Variants in BSPRY observed in about 807,000 individuals in gnomAD.
BSPRY encodes the protein B box and SPRY domain-containing protein.
A neutral mutation model predicts 38.0 loss-of-function variants in BSPRY; 33 were observed. The observed-to-expected ratio is 0.87, with a 90% CI of 0.66 to 1.16. The LOEUF (loss-of-function observed/expected upper bound fraction) is 1.16. Ranked by LOEUF, BSPRY falls within the 50% of genes most tolerant of loss-of-function variation. The pLI, the probability that BSPRY is intolerant of heterozygous loss-of-function variation, is 0.00. For missense variants in BSPRY, 523 were observed against 533.2 expected, an observed-to-expected ratio of 0.98 and a Z score of 0.19; for synonymous variants, 224 against 228.5, an observed-to-expected ratio of 0.98 and a Z score of 0.18.
At chr9:113,368,988 A>ATTTT (rs35471203) in intron 5 of BSPRY, among the ~76,000 whole-genome samples, 1 of 145,874 alleles carries the variant, frequency 6.9e-6, no homozygotes, top group African/African-American at 2.5e-5. Context: ...TAATAGACTG[A>ATTTT]TTTTTTTTTT....
intron 4 of BSPRY, among the ~76,000 whole-genome samples, chr9:113,365,680 C>G (rs1358578976): frequency 6.6e-6 from 1 of 151,828 alleles, no homozygotes; most frequent in African/African-American, 2.4e-5. Flanking sequence ...GCTTCTAGGC[C>G]TCACTCAGCT....
rs375174917 is a variant in BSPRY at position 113,363,672 on chromosome 9, G to A, written c.557+1278G>A. ...GAGGAAGGTGGATCACTTGAGGTCA[G>A]GAGTTCAAAACCAGCCTGGGCCAAG... On this transcript the variant is annotated intron_variant, in intron 4 of 5. Transcript: ENST00000374183. Among the ~76,000 whole-genome samples the A allele has an allele frequency of 4.0e-5, 6 of 151,832 alleles. No individual in the cohort carries two copies. In the South Asian group the frequency reaches 8.3e-4, roughly 21 times the overall value.
At chr9:113,366,878 C>A (rs369871679) in intron 4 of BSPRY, among the ~76,000 whole-genome samples, 2 of 152,230 alleles carry the variant, frequency 1.3e-5, no homozygotes, top group African/African-American at 4.8e-5. Context: ...ATGCCCCACC[C>A]CTGTGCCCAC....
chr9:113,365,446 G>A (rs1165897500), intron 4 of BSPRY, among the ~76,000 whole-genome samples: 6 of 152,136 alleles, frequency 3.9e-5, no homozygotes, highest in Admixed American at 1.3e-4. Flanking sequence ...GATTTGGCCT[G>A]TAGAAGCCCT....
intron 2 of BSPRY, among the ~76,000 whole-genome samples, chr9:113,359,971 A>C (rs893521686): frequency 2.0e-5 from 3 of 152,168 alleles, no homozygotes; most frequent in Non-Finnish European, 4.4e-5. Flanking sequence ...ACACCTGTTA[A>C]TTGTCTGAGA....
chr9:113,366,604 G>T (rs4979243), intron 4 of BSPRY, among the ~76,000 whole-genome samples: 13,370 of 152,252 alleles, frequency 0.088, 896 homozygotes, highest in East Asian at 0.31. Flanking sequence ...CAGCTAGCCC[G>T]GGTGGTTCGC....
rs554574076 is a variant in BSPRY at position 113,364,054 on chromosome 9, C to T, written c.557+1660C>T. Among the ~76,000 whole-genome samples the T allele has an allele frequency of 4.6e-5, 7 of 151,414 alleles. No homozygotes were observed. The East Asian group carries it at 5.8e-4, about 13-fold the overall frequency. ...TACAAAAATTAGCTAGGTGCGGTAG[C>T]GTACCCCTGTAATCTCAGTTACTGG... On this transcript the variant is annotated intron_variant, in intron 4 of 5. Transcript: ENST00000374183.
chr9:113,351,737 A>T (rs1294918717), intron 1 of BSPRY, among the ~76,000 whole-genome samples: 1 of 152,022 alleles, frequency 6.6e-6, no homozygotes, highest in Non-Finnish European at 1.5e-5. Context: ...TTCTTGGGGA[A>T]GTCACTTCTC....
intron 2 of BSPRY, among the ~76,000 whole-genome samples, chr9:113,358,211 G>GCATTCTA (rs1223193619): frequency 6.6e-6 from 1 of 151,080 alleles, no homozygotes; most frequent in Non-Finnish European, 1.5e-5. Context: ...TTGCATCACT[G>GCATTCTA]CATTCTAGCC....
intron 4 of BSPRY, among the ~76,000 whole-genome samples, chr9:113,362,693 G>A (rs1329568226): frequency 6.6e-6 from 1 of 152,238 alleles, no homozygotes; most frequent in Admixed American, 6.5e-5. Context: ...TCCATGTGCA[G>A]ATGAAAATGT....
In BSPRY at chr9:113,371,089, T is replaced by A. The variant is rs2118942462; in HGVS notation, c.*947T>A. 6.6e-6 allele frequency: 1 copy of A among 152,328 alleles called. No homozygotes were observed. Among genetic ancestry groups the A allele is most frequent in the African/African-American group, 2.4e-5 (1 of 41,562 alleles). 9.4% of individuals were successfully genotyped at this position (152,328 alleles called of 1,614,324 possible). On this transcript the variant is annotated 3_prime_UTR_variant, in exon 6 of 6. Transcript: ENST00000374183. Reference sequence around the variant, plus strand: ...CGGCCTTTTCTCTTAGAGCAGCTGATAAGTTTCCCTACCTGATGGCCCCCT... The same window carrying A: ...CGGCCTTTTCTCTTAGAGCAGCTGAAAAGTTTCCCTACCTGATGGCCCCCT...
intron 4 of BSPRY, among the ~76,000 whole-genome samples, chr9:113,366,333 C>T (rs1834251324): frequency 6.6e-6 from 1 of 152,172 alleles, no homozygotes; most frequent in South Asian, 2.1e-4. Flanking sequence ...TTCTTTATGC[C>T]CCCAGGCTGA....
intron 3 of BSPRY, among the ~76,000 whole-genome samples, chr9:113,362,105 T>G (rs1195285662): frequency 6.6e-6 from 1 of 151,476 alleles, no homozygotes; most frequent in Non-Finnish European, 1.5e-5. Context: ...TGGTCCTGAG[T>G]GGAGTTGAGG....
intron 2 of BSPRY, among the ~76,000 whole-genome samples, chr9:113,356,322 G>T (rs1834057149): frequency 6.6e-6 from 1 of 152,094 alleles, no homozygotes; most frequent in Non-Finnish European, 1.5e-5. Context: ...GGCTAACGCG[G>T]TGAAACCCCG....
rs753237261 is a variant in BSPRY at position 113,369,653 on chromosome 9, C to T, written c.720C>T (p.Ser240=). The T allele has an allele frequency of 9.9e-6, 16 of 1,613,796 alleles. No homozygotes were observed. Among genetic ancestry groups the T allele is most frequent in the Non-Finnish European group, 1.4e-5 (16 of 1,179,884 alleles). Residue 240 remains serine, a synonymous_variant, in exon 6 of 6, where the codon AGC becomes AGT. Coordinates refer to ENST00000374183, the MANE Select transcript of BSPRY (RefSeq NM_017688.3). ...EDIRIDERTV[S]PFLQLSDDRK... is the part of the protein sequence containing the mutation. ...TACGGATCGATGAGAGGACAGTCAG[C>T]CCCTTCCTGCAATTGTCAGATGATC...
Position 113,370,414 on chromosome 9 carries a change from A to G in BSPRY, c.*272A>G. ...CACTAACGATAGCTGATGAGCTAAA[A>G]AAAAAAAAAAAGTCTGTGTATAATT... On this transcript the variant is annotated 3_prime_UTR_variant, in exon 6 of 6. Transcript: ENST00000374183. This position sits in a 1 kb window ranked among gnomAD's most constrained non-coding sequence, Gnocchi z 4.8. 3.4e-6 allele frequency: 1 copy of G among 297,064 alleles called. No homozygotes were observed. The highest frequency in any genetic ancestry group is 9.3e-4 in the Middle Eastern group (1 of 1,076). 18.4% of individuals were successfully genotyped at this position (297,064 alleles called of 1,614,324 possible). A position where few individuals can be genotyped will look rare whatever the true frequency, so the allele number is the denominator to read the frequency against.
chr9:113,369,554 C>G (rs1834305958), intron 5 of BSPRY, 62 bp from the exon 6 acceptor site: 12 of 1,517,820 alleles, frequency 7.9e-6, no homozygotes, highest in Non-Finnish European at 9.7e-6. Flanking sequence ...CTTTTGCTAC[C>G]TGGCAGGACC....
rs1188961447 is a variant in BSPRY at position 113,354,254 on chromosome 9, C to G, written c.216C>G (p.Asp72Glu). The G allele has an allele frequency of 6.2e-7, 1 of 1,613,974 alleles. No homozygotes were observed. Among genetic ancestry groups the G allele is most frequent in the Admixed American group, 1.7e-5 (1 of 60,004 alleles). Residue 72 changes from aspartate (D) to glutamate (E), a missense_variant, in exon 2 of 6, where the codon GAC (aspartate) becomes GAG (glutamate). Coordinates refer to ENST00000374183, the MANE Select transcript of BSPRY (RefSeq NM_017688.3). ...RAEELRNKIV[D>E]QCERLQLQSA... is the part of the protein sequence containing the mutation. ...TTGTGTTGCAGAACAAGATTGTGGA[C>G]CAGTGTGAGAGGCTGCAGTTACAGA...
chr9:113,370,251 GC>G lies in BSPRY; in HGVS notation c.*112del. ...GTGTGGTGTTTCTAAGAGAAACAGG[GC>G]CCATAACCAGTGGGCAGCTTTAGGA... is the stretch of plus-strand genomic sequence containing the variant. On this transcript the variant is annotated 3_prime_UTR_variant, in exon 6 of 6. Transcript: ENST00000374183. The surrounding 1 kb of genome is among the most constrained non-coding windows in gnomAD (Gnocchi z 4.8). 1 of 1,345,184 alleles carries G rather than the reference GC, an allele frequency of 7.4e-7. No individual in the cohort carries two copies. The highest frequency in any genetic ancestry group is 1.5e-5 in the South Asian group (1 of 67,768). 83.3% of individuals were successfully genotyped at this position (1,345,184 alleles called of 1,614,324 possible).
Sources: allele counts gnomAD v4.1 joint callset (sites outside exome capture counted in the v4.1 genomes callset), GRCh38; gene constraint gnomAD v4.1.1; non-coding constraint Gnocchi (gnomAD v3.1); transcripts MANE v1.5; gene names NCBI Gene and HGNC (gene_info 2026-07-23, HGNC 2026-07-21).